Variants in FAM83B observed in about 807,000 individuals in gnomAD.
FAM83B encodes protein FAM83B.
In FAM83B, 26 loss-of-function variants were observed where a neutral mutation model predicts 38.8. The observed-to-expected ratio is 0.67, with a 90% confidence interval of 0.49 to 0.93. FAM83B has a LOEUF of 0.93. FAM83B is among the 40% of genes least tolerant of loss of function. The probability of loss-of-function intolerance (pLI) is 0.00; values close to 1 mark genes in which losing one functional copy is unlikely to be tolerated. For synonymous variants in FAM83B, 419 were observed against 423.1 expected, an observed-to-expected ratio of 0.99 and a Z score of 0.12; for missense variants, 1,237 against 1,197.3, an observed-to-expected ratio of 1.03 and a Z score of -0.49.
chr6:54,892,807 A>T (rs181508407), intron 2 of FAM83B, among the ~76,000 whole-genome samples: 1 of 152,164 alleles, frequency 6.6e-6, no homozygotes, highest in East Asian at 1.9e-4. Flanking sequence ...TCCCTCCAAA[A>T]GGTGGAGCCA....
chr6:54,926,362 A>G lies in FAM83B; in HGVS notation c.445-9A>G, dbSNP rs1773284786. On this transcript the variant is annotated splice_polypyrimidine_tract_variant and intron_variant, in intron 2 of 4. Transcript: ENST00000306858. ...ATCTAAAATTGTTTCATATTCTTAT[A>G]TTTAACAGGTCATTGCTTTAGTGAT... The G allele has an allele frequency of 6.5e-7, 1 of 1,529,566 alleles. No homozygotes were observed. The highest frequency in any genetic ancestry group is 8.9e-7 in the Non-Finnish European group (1 of 1,127,642). The allele number at this position is 1,529,566 out of a possible 1,614,324, so 94.7% of individuals were successfully genotyped here. A position where few individuals can be genotyped will look rare whatever the true frequency, so the allele number is the denominator to read the frequency against.
intron 2 of FAM83B, among the ~76,000 whole-genome samples, chr6:54,872,735 G>T (rs1360678988): frequency 6.6e-6 from 1 of 152,098 alleles, no homozygotes; most frequent in East Asian, 1.9e-4. Flanking sequence ...CTTCTACCCG[G>T]TCACTGTCCG....
rs1771247936 is a variant in FAM83B at position 54,850,567 on chromosome 6, G to T, written c.-61+3741G>T. Among the ~76,000 whole-genome samples, 3 of 152,166 alleles carry T rather than the reference G, an allele frequency of 2.0e-5. No individual in the cohort carries two copies. The South Asian group carries it at 6.2e-4, about 32-fold the overall frequency. ...GGCAGTTTTCAAAGCACTAAAGAGT[G>T]TCATCTTCCATCTCAATGGTGGTAA... On this transcript the variant is annotated intron_variant, in intron 1 of 4. Coordinates refer to ENST00000306858, the MANE Select transcript of FAM83B (RefSeq NM_001010872.3).
intron 2 of FAM83B, among the ~76,000 whole-genome samples, chr6:54,894,107 C>T (rs1772464657): frequency 1.3e-5 from 2 of 152,158 alleles, no homozygotes; most frequent in Admixed American, 6.5e-5. Context: ...AGAGGCTTAA[C>T]TTAAGGATGA....
In FAM83B at chr6:54,940,817, G is replaced by C. The variant is rs1773663821; in HGVS notation, c.1846G>C (p.Val616Leu). 1.2e-6 allele frequency: 2 copies of C among 1,613,894 alleles called. No individual in the cohort carries two copies. Among genetic ancestry groups the C allele is most frequent in the African/African-American group, 1.3e-5 (1 of 74,886 alleles). ...GGCACCAAAAATGCACACCTTGCAG[G>C]TTCCTGAAAACCACTCAGTAGCCTT... Reference protein sequence around the residue: ...SEAPKMHTLQVPENHSVALNQ... With the variant: ...SEAPKMHTLQLPENHSVALNQ... Residue 616 changes from valine to leucine, a missense_variant, in exon 5 of 5, where the codon GTT becomes CTT. Physicochemically the swap from Val to Leu is conservative, Grantham distance 32. Transcript: ENST00000306858.
intron 2 of FAM83B, among the ~76,000 whole-genome samples, chr6:54,892,693 AAT>A (rs1487300775): frequency 6.7e-6 from 1 of 149,216 alleles, no homozygotes; most frequent in Non-Finnish European, 1.5e-5. Flanking sequence ...TATATACATA[AAT>A]ATATATATTG....
chr6:54,888,033 G>A (rs569502991), intron 2 of FAM83B, among the ~76,000 whole-genome samples: 7 of 117,324 alleles, frequency 6.0e-5, no homozygotes, highest in African/African-American at 2.2e-4. Flanking sequence ...TTTTTTTTCT[G>A]TAGGATCATT....
Position 54,860,527 on chromosome 6 carries a change from C to G in FAM83B, c.-60-9660C>G, listed in dbSNP as rs1018574430. Among the ~76,000 whole-genome samples, 4 of 152,126 alleles carry G rather than the reference C, an allele frequency of 2.6e-5. No homozygotes were observed. In the East Asian group the frequency reaches 7.7e-4, roughly 29 times the overall value. On this transcript the variant is annotated intron_variant, in intron 1 of 4. Transcript: ENST00000306858. Reference sequence around the variant, plus strand: ...AAAGTGGAGAACTTACATTAAGTAACTCTAAGACTATTAAGCTATAGTAAC... The same window carrying G: ...AAAGTGGAGAACTTACATTAAGTAAGTCTAAGACTATTAAGCTATAGTAAC...
chr6:54,915,041 A>G (rs1261748805), intron 2 of FAM83B, among the ~76,000 whole-genome samples: 1 of 152,082 alleles, frequency 6.6e-6, no homozygotes, highest in Non-Finnish European at 1.5e-5. Flanking sequence ...TCATCAAGCA[A>G]ATCACCTCTT....
intron 2 of FAM83B, among the ~76,000 whole-genome samples, chr6:54,894,198 T>C (rs534416260): frequency 6.6e-6 from 1 of 152,380 alleles, no homozygotes; most frequent in East Asian, 1.9e-4. Context: ...TGGGTAACCA[T>C]TGGCCTTCAG....
chr6:54,940,565 A>G lies in FAM83B; in HGVS notation c.1594A>G (p.Asn532Asp). ...TGATAATCCTGAGAATTTGAAGGCC[A>G]ATGCCCTTTATACTCATTCTCGGCT... is the stretch of plus-strand genomic sequence containing the variant. ...GYDNPENLKANALYTHSRLRS... is the reference protein window; with the variant it reads ...GYDNPENLKADALYTHSRLRS... Residue 532 changes from asparagine to aspartate, a missense_variant, in exon 5 of 5, where the codon AAT becomes GAT. Transcript: ENST00000306858. 1 of 1,614,086 alleles carries G rather than the reference A, an allele frequency of 6.2e-7. No homozygotes were observed. The highest frequency in any genetic ancestry group is 8.5e-7 in the Non-Finnish European group (1 of 1,180,022).
rs576840111 is a variant in FAM83B at position 54,885,064 on chromosome 6, G to A, written c.444+14374G>A. ...TGGGATTACAGGCGTGAGCCACTGC[G>A]CCCGGCCCAGTAACAATACTTTTTT... is the stretch of plus-strand genomic sequence containing the variant. On this transcript the variant is annotated intron_variant, in intron 2 of 4. Transcript: ENST00000306858. 1.6e-3 allele frequency among the ~76,000 whole-genome samples: 244 copies of A among 152,118 alleles called. 3 individuals carry two copies. In the Middle Eastern group the frequency reaches 0.041, roughly 25 times the overall value.
chr6:54,847,120 A>C (rs1185138111), intron 1 of FAM83B, among the ~76,000 whole-genome samples: 2 of 152,148 alleles, frequency 1.3e-5, no homozygotes, highest in African/African-American at 4.8e-5. Flanking sequence ...TTGGGTCCCC[A>C]GAGGACTGGC....
chr6:54,873,081 T>C (rs968183229), intron 2 of FAM83B, among the ~76,000 whole-genome samples: 1 of 151,966 alleles, frequency 6.6e-6, no homozygotes, highest in Non-Finnish European at 1.5e-5. Flanking sequence ...TAGGCTGGTC[T>C]CAAACTCCTG....
In FAM83B at chr6:54,940,490, G is replaced by C; in HGVS notation, c.1519G>C (p.Ala507Pro). 1 of 1,614,052 alleles carries C rather than the reference G, an allele frequency of 6.2e-7. No homozygotes were observed. Among genetic ancestry groups the C allele is most frequent in the South Asian group, 1.1e-5 (1 of 91,080 alleles). ...IESYLNDHSE[A>P]TPDSNGSALG... ...ATCCTACTTAAATGATCATTCAGAA[G>C]CTACACCGGACTCAAATGGATCAGC... is the stretch of plus-strand genomic sequence containing the variant. The change falls in exon 5 of 5, where the codon GCT becomes CCT. Residue 507 changes from alanine to proline, a missense_variant. By Grantham distance (27) the Ala-to-Pro change is conservative. Coordinates refer to ENST00000306858, the MANE Select transcript of FAM83B (RefSeq NM_001010872.3).
intron 2 of FAM83B, among the ~76,000 whole-genome samples, chr6:54,912,430 AAAC>A (rs909594497): frequency 2.2e-4 from 33 of 151,304 alleles, no homozygotes; most frequent in African/African-American, 7.7e-4. Context: ...CAAAAAAAAA[AAAC>A]AACAAAAAAA....
intron 2 of FAM83B, among the ~76,000 whole-genome samples, chr6:54,891,769 C>T (rs1772408416): frequency 6.6e-6 from 1 of 152,184 alleles, no homozygotes; most frequent in African/African-American, 2.4e-5. Context: ...ATTCATTCCT[C>T]TCTCATTGTA....
chr6:54,922,195 T>TCAGC (rs1773187771), intron 2 of FAM83B, among the ~76,000 whole-genome samples: 1 of 152,028 alleles, frequency 6.6e-6, no homozygotes, highest in Non-Finnish European at 1.5e-5. Context: ...TTATGTATCC[T>TCAGC]AGTAATGTGT....
chr6:54,850,619 GGCTGT>G (rs1771249238), intron 1 of FAM83B, among the ~76,000 whole-genome samples: 1 of 152,048 alleles, frequency 6.6e-6, no homozygotes, highest in South Asian at 2.1e-4. Context: ...AAGATGTTTG[GGCTGT>G]CATTTATATA....
Sources: gnomAD v4.1 joint callset for allele counts (sites outside exome capture counted in the v4.1 genomes callset) on GRCh38, gnomAD v4.1.1 for gene constraint, MANE v1.5 for transcripts, NCBI Gene and HGNC (gene_info 2026-07-23, HGNC 2026-07-21) for gene names.